Variants in SHISA6 observed in about 807,000 individuals in gnomAD.
The protein encoded by SHISA6 is protein shisa-6.
A neutral mutation model predicts 47.9 loss-of-function variants in SHISA6; 22 were observed. The observed-to-expected ratio is 0.46, with a 90% CI of 0.33 to 0.66. The LOEUF (loss-of-function observed/expected upper bound fraction) is 0.66. SHISA6 is among the 30% of genes least tolerant of loss of function. The pLI, the probability that SHISA6 is intolerant of heterozygous loss-of-function variation, is 0.02. For missense variants in SHISA6, 680 were observed against 764.6 expected (o/e 0.89, Z 1.30); for synonymous variants, 388 against 337.8 (o/e 1.15, Z -1.63).
chr17:11,491,923 C>A (rs1474657950), intron 3 of SHISA6, among the ~76,000 whole-genome samples: 1 of 152,004 alleles, frequency 6.6e-6, no homozygotes, highest in Non-Finnish European at 1.5e-5. Flanking sequence ...AGGCATGCAC[C>A]ACCACACCCA....
chr17:11,287,288 A>T (rs1567561328), intron 2 of SHISA6, among the ~76,000 whole-genome samples: 1 of 130,430 alleles, frequency 7.7e-6, no homozygotes, highest in Non-Finnish European at 1.5e-5. Context: ...AAGGAAGGAA[A>T]GGAAGGAAGG....
intron 2 of SHISA6, among the ~76,000 whole-genome samples, chr17:11,278,043 A>G (rs34176204): frequency 0.25 from 38,311 of 152,124 alleles, 5,035 homozygotes; most frequent in Middle Eastern, 0.36. Flanking sequence ...AGTGTGGCCC[A>G]CAAGGGGACT....
At chr17:11,403,249 G>C (rs1160923328) in intron 3 of SHISA6, among the ~76,000 whole-genome samples, 1 of 152,184 alleles carries the variant, frequency 6.6e-6, no homozygotes, top group African/African-American at 2.4e-5. Flanking sequence ...TCAAGACTCA[G>C]ATTTGATAGG....
chr17:11,497,084 TCCTGGGCC>T (rs1161986905), intron 3 of SHISA6, among the ~76,000 whole-genome samples: 2 of 152,152 alleles, frequency 1.3e-5, no homozygotes, highest in Non-Finnish European at 2.9e-5. Flanking sequence ...CAGAACCATG[TCCTGGGCC>T]CCTGTAGATT....
intron 3 of SHISA6, among the ~76,000 whole-genome samples, chr17:11,550,207 AC>A (rs1187935191): frequency 6.6e-6 from 1 of 151,942 alleles, no homozygotes; most frequent in African/African-American, 2.4e-5. Context: ...GGCACATGCC[AC>A]CCCATGTCTG....
intron 3 of SHISA6, among the ~76,000 whole-genome samples, chr17:11,466,139 G>A (rs887874527): frequency 6.6e-6 from 1 of 152,124 alleles, no homozygotes; most frequent in Non-Finnish European, 1.5e-5. Context: ...CACACACACC[G>A]TCCTGGAAGG....
chr17:11,397,420 T>TGTG (rs949142680), intron 3 of SHISA6, among the ~76,000 whole-genome samples: 52 of 151,438 alleles, frequency 3.4e-4, no homozygotes, highest in African/African-American at 1.2e-3. Flanking sequence ...TGTGTGTGTG[T>TGTG]GTGTGTGTGT....
chr17:11,441,000 AAG>A (rs1915079742), intron 3 of SHISA6, among the ~76,000 whole-genome samples: 2 of 152,022 alleles, frequency 1.3e-5, no homozygotes, highest in Non-Finnish European at 1.5e-5. Flanking sequence ...TGGAAATGAG[AAG>A]AGAGAGGAAG....
intron 3 of SHISA6, among the ~76,000 whole-genome samples, chr17:11,461,465 A>G (rs1398868539): frequency 1.3e-5 from 2 of 152,106 alleles, no homozygotes; most frequent in Non-Finnish European, 2.9e-5. Flanking sequence ...ACACACAGAC[A>G]TAGAAATGGC....
chr17:11,527,640 T>A (rs1160051864), intron 3 of SHISA6, among the ~76,000 whole-genome samples: 4 of 152,168 alleles, frequency 2.6e-5, no homozygotes, highest in Non-Finnish European at 5.9e-5. Flanking sequence ...TGAGAGTGGG[T>A]CAAATCTGGC....
intron 2 of SHISA6, among the ~76,000 whole-genome samples, chr17:11,321,351 A>T (rs1910713601): frequency 6.6e-6 from 1 of 152,248 alleles, no homozygotes; most frequent in Non-Finnish European, 1.5e-5. Context: ...ATGAATGGTT[A>T]ACATTTCCAG....
chr17:11,302,533 T>C (rs1909965886), intron 2 of SHISA6, among the ~76,000 whole-genome samples: 1 of 152,160 alleles, frequency 6.6e-6, no homozygotes, highest in African/African-American at 2.4e-5. Flanking sequence ...ATCTGGTACA[T>C]GAACGTGCCA....
chr17:11,534,160 T>TC (rs1555543078), intron 3 of SHISA6, among the ~76,000 whole-genome samples: 1 of 99,324 alleles, frequency 1.0e-5, no homozygotes, highest in African/African-American at 3.8e-5. Flanking sequence ...TTTTTTTCTT[T>TC]TTTTTTTTTT....
intron 3 of SHISA6, among the ~76,000 whole-genome samples, chr17:11,515,702 G>GCCTC (rs2071580278): frequency 6.6e-6 from 1 of 152,082 alleles, no homozygotes; most frequent in Admixed American, 6.6e-5. Context: ...ACCAAAGCCT[G>GCCTC]CCTCCCTCCT....
intron 2 of SHISA6, among the ~76,000 whole-genome samples, chr17:11,282,180 ACTT>A (rs1253117195): frequency 1.3e-5 from 2 of 152,090 alleles, no homozygotes; most frequent in Admixed American, 1.3e-4. Flanking sequence ...AGGTCCCCAA[ACTT>A]AACCTAAGTG....
intron 3 of SHISA6, among the ~76,000 whole-genome samples, chr17:11,523,667 T>A (rs904441898): frequency 6.6e-6 from 1 of 152,190 alleles, no homozygotes; most frequent in Non-Finnish European, 1.5e-5. Flanking sequence ...TGATACTTCA[T>A]ACAGCTATTT....
chr17:11,355,899 G>A (rs1233776347), intron 2 of SHISA6, among the ~76,000 whole-genome samples: 1 of 152,176 alleles, frequency 6.6e-6, no homozygotes, highest in Non-Finnish European at 1.5e-5. Context: ...GCACTTAATA[G>A]CAAAGAACAT....
At chr17:11,286,620 C>T (rs1414205679) in intron 2 of SHISA6, among the ~76,000 whole-genome samples, 2 of 152,160 alleles carry the variant, frequency 1.3e-5, no homozygotes, top group Non-Finnish European at 2.9e-5. Flanking sequence ...TGGGGAATCA[C>T]GGAAAGATTT....
intron 3 of SHISA6, among the ~76,000 whole-genome samples, chr17:11,480,240 T>A (rs1171314427): frequency 6.6e-6 from 1 of 152,204 alleles, no homozygotes; most frequent in Middle Eastern, 3.2e-3. Flanking sequence ...ATTCTATTGT[T>A]TGATAATGAT....
Sources: allele counts gnomAD v4.1 joint callset (sites outside exome capture counted in the v4.1 genomes callset), GRCh38; gene constraint gnomAD v4.1.1; transcripts MANE v1.5; gene names NCBI Gene and HGNC (gene_info 2026-07-23, HGNC 2026-07-21).